The following PZP variants were observed in gnomAD, a reference collection of about 807,000 sequenced individuals.
PZP encodes pregnancy zone protein.
A neutral mutation model predicts 179.8 loss-of-function variants in PZP; 150 were observed. The ratio of observed to expected loss-of-function variants is 0.83; its 90% CI spans 0.73 to 0.96. PZP has a LOEUF of 0.96. Among genes scored for constraint, PZP ranks in the 40% least tolerant of loss-of-function variants. The probability of loss-of-function intolerance (pLI) is 0.00; values close to 1 mark genes in which losing one functional copy is unlikely to be tolerated. For missense variants in PZP, 1,689 were observed against 1,764.0 expected (o/e 0.96, Z 0.76); for synonymous variants, 624 against 652.3 (o/e 0.96, Z 0.66).
intron 27 of PZP, 88 bp from the exon 28 acceptor site, chr12:9,157,443 T>A: frequency 7.7e-7 from 1 of 1,290,708 alleles, no homozygotes; most frequent in Non-Finnish European, 1.1e-6. Context: ...CAGATGTTAT[T>A]AATAGATTTC....
intron 15 of PZP, among the ~76,000 whole-genome samples, chr12:9,179,060 A>T (rs1402176383): frequency 1.3e-5 from 2 of 152,222 alleles, no homozygotes; most frequent in East Asian, 3.8e-4. Flanking sequence ...TGAGGGAGTT[A>T]AAGCTATAAA....
At chr12:9,205,735 A>G (rs1419913829) in intron 1 of PZP, among the ~76,000 whole-genome samples, 2 of 152,226 alleles carry the variant, frequency 1.3e-5, no homozygotes, top group East Asian at 3.8e-4. Context: ...TCCATTGCCA[A>G]CATAAACTCT....
intron 23 of PZP, among the ~76,000 whole-genome samples, chr12:9,160,751 A>G (rs1399093554): frequency 6.6e-6 from 1 of 152,050 alleles, no homozygotes; most frequent in East Asian, 1.9e-4. Flanking sequence ...CGTCTCTACT[A>G]AAAATACAAA....
chr12:9,183,348 AGTC>A (rs2120992968), intron 13 of PZP, among the ~76,000 whole-genome samples: 1 of 152,318 alleles, frequency 6.6e-6, no homozygotes, highest in African/African-American at 2.4e-5. Flanking sequence ...TCACTATAGT[AGTC>A]ATTTTATTAT....
intron 1 of PZP, among the ~76,000 whole-genome samples, chr12:9,207,576 A>G (rs1351924786): frequency 3.3e-5 from 5 of 152,246 alleles, no homozygotes; most frequent in African/African-American, 9.6e-5. Flanking sequence ...AACACACAAG[A>G]GAAACCAGAT....
Position 9,152,290 on chromosome 12 carries a change from G to A in PZP, c.4142C>T (p.Ala1381Val). The change falls in exon 32 of 36, where the codon GCT becomes GTT. Residue 1381 changes from alanine to valine, a missense_variant. Coordinates refer to ENST00000261336, the MANE Select transcript of PZP (RefSeq NM_002864.3). ...LTISYTGNRPASNMVIVDVKM... is the reference protein window; with the variant it reads ...LTISYTGNRPVSNMVIVDVKM... ...TACATCAACAATCACCATATTGGAA[G>A]CAGGACGGTTTCCTGTGTAACTGTA... The A allele has an allele frequency of 1.2e-6, 2 of 1,613,100 alleles. No homozygotes were observed. Among genetic ancestry groups the A allele is most frequent in the African/African-American group, 1.3e-5 (1 of 74,986 alleles).
chr12:9,165,197 C>G lies in PZP; in HGVS notation c.2429G>C (p.Arg810Pro). 6.2e-7 allele frequency: 1 copy of G among 1,614,124 alleles called. No homozygotes were observed. The highest frequency in any genetic ancestry group is 8.5e-7 in the Non-Finnish European group (1 of 1,180,022). ...VELTMPYSVI[R>P]GEVFTLKATV... The stretch of plus-strand genomic sequence containing the variant: ...GGCCTTGAGTGTGAAGACCTCTCCA[C>G]GAATCACAGAGTAAGGCATTGTGAG... Residue 810 changes from arginine to proline, a missense_variant, in exon 19 of 36, where the codon CGT (arginine) becomes CCT (proline). This residue lies in a region of PZP where 201 missense variants were observed against 284.2 expected (regional missense o/e 0.71). Coordinates refer to ENST00000261336, the MANE Select transcript of PZP (RefSeq NM_002864.3).
intron 15 of PZP, 144 bp from the exon 16 acceptor site, chr12:9,169,735 T>G (rs1365670205): frequency 4.1e-6 from 3 of 725,168 alleles, no homozygotes; most frequent in Middle Eastern, 3.5e-4. Flanking sequence ...TTGAAGATTT[T>G]CCTTATATTT....
At position 9,165,190 on chromosome 12, in the gene PZP, C is replaced by T. The variant is rs779440644; in HGVS notation, c.2436G>A (p.Glu812=). Residue 812 remains glutamate (E), a synonymous_variant, in exon 19 of 36, where the codon GAG becomes GAA. Coordinates refer to ENST00000261336, the MANE Select transcript of PZP (RefSeq NM_002864.3). ...GGACCGTGGCCTTGAGTGTGAAGAC[C>T]TCTCCACGAATCACAGAGTAAGGCA... The part of the protein sequence containing the change: ...LTMPYSVIRG[E]VFTLKATVLN... 1.9e-6 allele frequency: 3 copies of T among 1,614,088 alleles called. No homozygotes were observed. Among genetic ancestry groups the T allele is most frequent in the South Asian group, 2.2e-5 (2 of 91,072 alleles).
chr12:9,162,961 T>A (rs1293879620), intron 21 of PZP, among the ~76,000 whole-genome samples: 1 of 152,160 alleles, frequency 6.6e-6, no homozygotes, highest in Non-Finnish European at 1.5e-5. Flanking sequence ...GCCCCATATA[T>A]GTTGCTCGCC....
chr12:9,202,824 T>G (rs551704921), intron 2 of PZP, 140 bp from the exon 3 acceptor site: 174 of 797,516 alleles, frequency 2.2e-4, no homozygotes, highest in Non-Finnish European at 3.2e-4. Context: ...GACATAAGAG[T>G]GACGATATTA....
At chr12:9,203,738 G>A (rs750605422) in intron 2 of PZP, 30 bp downstream of exon 2, 4 of 1,612,056 alleles carry the variant, frequency 2.5e-6, no homozygotes, top group Non-Finnish European at 2.5e-6. Context: ...GTATCAAGCA[G>A]GGATAGCCAG....
At chr12:9,175,170 A>G (rs772987163) in intron 15 of PZP, among the ~76,000 whole-genome samples, 12 of 152,290 alleles carry the variant, frequency 7.9e-5, no homozygotes, top group Non-Finnish European at 1.0e-4. Context: ...ACCTACAACC[A>G]TCTGATCTTT....
intron 13 of PZP, among the ~76,000 whole-genome samples, chr12:9,185,012 A>G (rs1238568418): frequency 2.0e-5 from 3 of 152,204 alleles, no homozygotes; most frequent in Admixed American, 2.0e-4. Context: ...CAACTCAAAG[A>G]GCCAGAGCAT....
chr12:9,193,780 C>T (rs964057793), intron 11 of PZP, among the ~76,000 whole-genome samples: 1 of 151,986 alleles, frequency 6.6e-6, no homozygotes, highest in East Asian at 1.9e-4. Flanking sequence ...TAACATAAAA[C>T]AAAGTACATG....
At chr12:9,159,019 G>A (rs1378010562) in intron 25 of PZP, among the ~76,000 whole-genome samples, 2 of 151,808 alleles carry the variant, frequency 1.3e-5, no homozygotes, top group Non-Finnish European at 2.9e-5. Context: ...CCATCATCCT[G>A]CCCTTCCACT....
chr12:9,196,738 A>T (rs1394466424), intron 8 of PZP, 53 bp from the exon 9 acceptor site: 2 of 1,412,950 alleles, frequency 1.4e-6, no homozygotes, highest in Non-Finnish European at 2.0e-6. Context: ...ATCAATAGTC[A>T]CTGAATCTAC....
At chr12:9,153,017 A>G (rs1437263685) in intron 30 of PZP, 66 bp from the exon 31 acceptor site, 4 of 1,610,638 alleles carry the variant, frequency 2.5e-6, no homozygotes, top group African/African-American at 1.3e-5. Flanking sequence ...CTCATTACTT[A>G]ACGTCTCCAG....
At chr12:9,157,683 G>A in intron 27 of PZP, 84 bp downstream of exon 27, 3 of 1,240,792 alleles carry the variant, frequency 2.4e-6, no homozygotes, top group Non-Finnish European at 3.5e-6. Context: ...AAAGATACTT[G>A]AGACTCAACC....
Sources: allele counts gnomAD v4.1 joint callset (sites outside exome capture counted in the v4.1 genomes callset), GRCh38; gene constraint gnomAD v4.1.1; regional missense constraint gnomAD v4.1.1; transcripts MANE v1.5; gene names NCBI Gene and HGNC (gene_info 2026-07-23, HGNC 2026-07-21).